BBOX1: variants seen among roughly 807,000 people sequenced by gnomAD.
The protein encoded by BBOX1 is gamma-butyrobetaine dioxygenase.
Under a neutral mutation model 41.6 loss-of-function variants are expected in BBOX1, and 35 were observed. The ratio of observed to expected loss-of-function variants is 0.84; its 90% CI spans 0.64 to 1.11. The LOEUF is 1.11. Ranked by LOEUF, BBOX1 falls within the 50% of genes most tolerant of loss-of-function variation. The pLI, the probability that BBOX1 is intolerant of heterozygous loss-of-function variation, is 0.00. For synonymous variants in BBOX1, 163 were observed against 154.7 expected (o/e 1.05, Z -0.40); for missense variants, 458 against 460.6 (o/e 0.99, Z 0.05).
intron 4 of BBOX1, chr11:27,063,077 A>G (rs1857179378): frequency 6.6e-6 from 1 of 152,274 alleles, no homozygotes. Context: ...AAGACAAAGA[A>G]ATTTTGAGAG....
intron 2 of BBOX1, among the ~76,000 whole-genome samples, chr11:27,051,312 T>C (rs1851662696): frequency 6.6e-6 from 1 of 152,062 alleles, no homozygotes; most frequent in East Asian, 1.9e-4. Context: ...AGTATTCTAG[T>C]CTGCCTTTGG....
chr11:27,087,323 GC>G (rs1380543508), intron 4 of BBOX1, among the ~76,000 whole-genome samples: 1 of 151,994 alleles, frequency 6.6e-6, no homozygotes, highest in African/African-American at 2.4e-5. Context: ...AGCCACCCCA[GC>G]CCTCACCAAC....
intron 3 of BBOX1, among the ~76,000 whole-genome samples, chr11:27,055,898 A>C (rs12292769): frequency 0.14 from 20,770 of 152,172 alleles, 2,269 homozygotes; most frequent in African/African-American, 0.31. Context: ...TAGTCAAATT[A>C]GTATGTAGAG....
At chr11:27,075,920 T>G (rs1447102926) in intron 4 of BBOX1, among the ~76,000 whole-genome samples, 1 of 152,206 alleles carries the variant, frequency 6.6e-6, no homozygotes, top group Non-Finnish European at 1.5e-5. Context: ...AAGGGCTGCC[T>G]GACAGTTGGG....
At chr11:27,120,871 T>C (rs901987535) in intron 7 of BBOX1, among the ~76,000 whole-genome samples, 6 of 152,148 alleles carry the variant, frequency 3.9e-5, no homozygotes, top group Non-Finnish European at 8.8e-5. Flanking sequence ...GCCAGCCACT[T>C]TTCTTGGTAC....
At chr11:27,044,393 T>A (rs1851434190) in intron 2 of BBOX1, among the ~76,000 whole-genome samples, 1 of 152,212 alleles carries the variant, frequency 6.6e-6, no homozygotes, top group South Asian at 2.1e-4. Flanking sequence ...AGGTTGTCTA[T>A]TCACTCTGAT....
intron 5 of BBOX1, among the ~76,000 whole-genome samples, chr11:27,103,920 G>A (rs1453102267): frequency 6.6e-6 from 1 of 152,044 alleles, no homozygotes; most frequent in East Asian, 1.9e-4. Context: ...ACTATTAAAA[G>A]GAGACATGAT....
chr11:27,113,013 A>G (rs1859129139), intron 5 of BBOX1, among the ~76,000 whole-genome samples: 1 of 152,148 alleles, frequency 6.6e-6, no homozygotes, highest in East Asian at 1.9e-4. Flanking sequence ...GACACTTTTC[A>G]AAAGAAGACG....
rs749327670 is a variant in BBOX1 at position 27,127,638 on chromosome 11, C to A, written c.*185C>A. ...CAATGTCAACTTTTTAGATGTTTCA[C>A]CACTCTTTTGCAAATAAAGCATCCT... On this transcript the variant is annotated 3_prime_UTR_variant, in exon 9 of 9. Transcript: ENST00000263182. The A allele has an allele frequency of 2.7e-5, 18 of 668,988 alleles. No homozygotes were observed. The highest frequency in any genetic ancestry group is 3.7e-5 in the Non-Finnish European group (16 of 427,400). 41.4% of individuals were successfully genotyped at this position (668,988 alleles called of 1,614,324 possible).
At chr11:27,061,702 T>C (rs1375834739) in intron 4 of BBOX1, among the ~76,000 whole-genome samples, 1 of 152,190 alleles carries the variant, frequency 6.6e-6, no homozygotes, top group South Asian at 2.1e-4. Context: ...CAATTTTTCC[T>C]TGATCTTCCC....
chr11:27,110,101 AT>A (rs1282449881), intron 5 of BBOX1, among the ~76,000 whole-genome samples: 3 of 151,834 alleles, frequency 2.0e-5, no homozygotes. Context: ...CCTACATCCA[AT>A]TTATCAGAGA....
At chr11:27,099,886 T>C (rs1468014766) in intron 5 of BBOX1, among the ~76,000 whole-genome samples, 4 of 152,132 alleles carry the variant, frequency 2.6e-5, no homozygotes, top group Non-Finnish European at 5.9e-5. Flanking sequence ...TATATCTTCA[T>C]GAGTTCCTTG....
intron 5 of BBOX1, among the ~76,000 whole-genome samples, chr11:27,094,402 C>G (rs1404479531): frequency 6.6e-6 from 1 of 151,922 alleles, no homozygotes; most frequent in Non-Finnish European, 1.5e-5. Flanking sequence ...GAGCTGTATT[C>G]AGATGTTTGG....
chr11:27,096,752 T>A (rs1858453780), intron 5 of BBOX1, among the ~76,000 whole-genome samples: 1 of 152,028 alleles, frequency 6.6e-6, no homozygotes, highest in South Asian at 2.1e-4. Flanking sequence ...AGTCTTCATA[T>A]ACAGAAGGCA....
intron 2 of BBOX1, among the ~76,000 whole-genome samples, chr11:27,054,430 T>C (rs1278538167): frequency 6.6e-6 from 1 of 152,180 alleles, no homozygotes; most frequent in Non-Finnish European, 1.5e-5. Context: ...TTTAGAGTGC[T>C]GGAAAATAAC....
chr11:27,086,399 A>G (rs1858040959), intron 4 of BBOX1, among the ~76,000 whole-genome samples: 1 of 152,138 alleles, frequency 6.6e-6, no homozygotes, highest in South Asian at 2.1e-4. Flanking sequence ...ATTAAGAATT[A>G]TACTGAATCT....
chr11:27,078,729 C>T (rs906660960), intron 4 of BBOX1, among the ~76,000 whole-genome samples: 1 of 152,100 alleles, frequency 6.6e-6, no homozygotes, highest in African/African-American at 2.4e-5. Context: ...AAAGAGTGCA[C>T]TATATCAAGA....
In BBOX1 at chr11:27,119,863, A is replaced by T; in HGVS notation, c.836+18A>T. On this transcript the variant is annotated intron_variant, in intron 7 of 8. Transcript: ENST00000263182. ...ATTATAGAGTAAGTACTATTTATAA[A>T]TTTCCCATAGCAATAAAAGAATTGA... 7.6e-7 allele frequency: 1 copy of T among 1,315,420 alleles called. No homozygotes were observed. Among genetic ancestry groups the T allele is most frequent in the Non-Finnish European group, 1.0e-6 (1 of 1,004,142 alleles). 81.5% of individuals were successfully genotyped at this position (1,315,420 alleles called of 1,614,324 possible). A position where few individuals can be genotyped will look rare whatever the true frequency, so the allele number is the denominator to read the frequency against.
At chr11:27,119,276 TC>T (rs35645117) in intron 6 of BBOX1, among the ~76,000 whole-genome samples, 1 of 152,004 alleles carries the variant, frequency 6.6e-6, no homozygotes, top group Non-Finnish European at 1.5e-5. Context: ...ACCCGCCTCT[TC>T]CCCTTGAAAT....
Sources: gnomAD v4.1 joint callset for allele counts (sites outside exome capture counted in the v4.1 genomes callset) on GRCh38, gnomAD v4.1.1 for gene constraint, MANE v1.5 for transcripts, NCBI Gene and HGNC (gene_info 2026-07-23, HGNC 2026-07-21) for gene names.